The following LGR6 variants were observed in gnomAD, a reference collection of about 807,000 sequenced individuals.
LGR6 encodes leucine-rich repeat-containing G protein-coupled receptor 6.
LGR6 carries 45 observed loss-of-function variants against 69.4 expected under a neutral mutation model. The ratio of observed to expected loss-of-function variants is 0.65; its 90% CI spans 0.51 to 0.83. LGR6 has a LOEUF of 0.83. LGR6 is among the 40% of genes least tolerant of loss of function. LGR6 has a pLI of 0.00. For missense variants in LGR6, 1,108 were observed against 1,246.7 expected (o/e 0.89, Z 1.68); for synonymous variants, 538 against 555.0 (o/e 0.97, Z 0.43).
chr1:202,287,810 C>G (rs995317986), intron 6 of LGR6, among the ~76,000 whole-genome samples: 6 of 152,222 alleles, frequency 3.9e-5, no homozygotes, highest in Admixed American at 1.3e-4. Context: ...CCACTGCTAC[C>G]ACGATGCTCC....
intron 4 of LGR6, among the ~76,000 whole-genome samples, chr1:202,245,152 G>A (rs1217722120): frequency 3.3e-5 from 5 of 152,210 alleles, no homozygotes; most frequent in Non-Finnish European, 4.4e-5. Context: ...GGGCCCAGCC[G>A]AGGGGTCCCC....
chr1:202,302,466 C>T (rs1479491878), intron 9 of LGR6, among the ~76,000 whole-genome samples: 4 of 152,114 alleles, frequency 2.6e-5, no homozygotes, highest in East Asian at 1.9e-4. Flanking sequence ...CATGTGGGTC[C>T]GTGTCCTCAA....
chr1:202,263,288 A>G (rs1664385959), intron 4 of LGR6, among the ~76,000 whole-genome samples: 1 of 151,932 alleles, frequency 6.6e-6, no homozygotes, highest in Non-Finnish European at 1.5e-5. Flanking sequence ...ATGCCCAGCT[A>G]AATTTTGTAT....
At position 202,318,432 on chromosome 1, in the gene LGR6, A is replaced by G. The variant is rs1327053372; in HGVS notation, c.2129A>G (p.Glu710Gly). 1.2e-6 allele frequency: 2 copies of G among 1,611,226 alleles called. No individual in the cohort carries two copies. Among genetic ancestry groups the G allele is most frequent in the Non-Finnish European group, 1.7e-6 (2 of 1,178,944 alleles). Residue 710 changes from glutamate (E) to glycine (G), a missense_variant, in exon 18 of 18, where the codon GAA (glutamate) becomes GGA (glycine). Coordinates refer to ENST00000367278, the MANE Select transcript of LGR6 (RefSeq NM_001017403.2). The part of the protein sequence containing the change: ...AAALPLASVG[E>G]YGASPLCLPY... ...GCGCTGCCCCTGGCCTCAGTGGGAG[A>G]ATACGGGGCCTCCCCACTCTGCCTG...
chr1:202,226,991 C>T (rs78649964), intron 2 of LGR6, among the ~76,000 whole-genome samples: 2,032 of 152,254 alleles, frequency 0.013, 28 homozygotes, highest in Admixed American at 0.02. Context: ...GGCTGACTTT[C>T]CGTCTCCCAC....
At chr1:202,204,263 AAC>A (rs1428205931) in intron 1 of LGR6, among the ~76,000 whole-genome samples, 7 of 131,412 alleles carry the variant, frequency 5.3e-5, no homozygotes, top group East Asian at 2.3e-4. Flanking sequence ...ACAACCTCCA[AAC>A]ACACACACAC....
At chr1:202,253,307 CT>C (rs200198062) in intron 4 of LGR6, among the ~76,000 whole-genome samples, 216 of 144,590 alleles carry the variant, frequency 1.5e-3, no homozygotes, top group Non-Finnish European at 1.2e-3. Flanking sequence ...TCCTAATACT[CT>C]TTTTTTTTTT....
Position 202,268,430 on chromosome 1 carries a change from C to T in LGR6, c.429-7876C>T, listed in dbSNP as rs901230527. On this transcript the variant is annotated intron_variant, in intron 4 of 17. Coordinates refer to ENST00000367278, the MANE Select transcript of LGR6 (RefSeq NM_001017403.2). This position sits in a 1 kb window ranked among gnomAD's most constrained non-coding sequence, Gnocchi z 4.4. ...GCTCCCACGTGGAATATTTTCCCCA[C>T]AGAATAACCATTTCCATAGTGGCTG... Among the ~76,000 whole-genome samples the T allele has an allele frequency of 6.6e-6, 1 of 152,108 alleles. No individual in the cohort carries two copies. The highest frequency in any genetic ancestry group is 2.4e-5 in the African/African-American group (1 of 41,440).
intron 16 of LGR6, among the ~76,000 whole-genome samples, chr1:202,314,288 A>G (rs1430862873): frequency 2.0e-5 from 3 of 152,162 alleles, no homozygotes; most frequent in East Asian, 3.9e-4. Context: ...CAAGTTAAAC[A>G]CCGCCCAGTT....
chr1:202,282,396 C>T (rs1477830078), intron 6 of LGR6, among the ~76,000 whole-genome samples: 2 of 152,142 alleles, frequency 1.3e-5, no homozygotes, highest in Non-Finnish European at 2.9e-5. Flanking sequence ...ATGAAAGTCC[C>T]TGGGGGAGAG....
intron 1 of LGR6, among the ~76,000 whole-genome samples, chr1:202,211,393 A>C (rs1021840100): frequency 6.6e-6 from 1 of 152,228 alleles, no homozygotes; most frequent in Non-Finnish European, 1.5e-5. Context: ...TCACTCTGTT[A>C]CCGAGGCTGG....
chr1:202,260,270 C>T (rs977108505), intron 4 of LGR6, among the ~76,000 whole-genome samples: 4 of 151,400 alleles, frequency 2.6e-5, no homozygotes, highest in East Asian at 2.0e-4. Flanking sequence ...AACTCCTAAC[C>T]TCAGGTGATC....
At chr1:202,224,241 C>T (rs566075378) in intron 1 of LGR6, among the ~76,000 whole-genome samples, 105 of 152,170 alleles carry the variant, frequency 6.9e-4, no homozygotes, top group African/African-American at 2.3e-3. Context: ...AAAGATTAGC[C>T]GGTGTCTGAC....
At position 202,319,406 on chromosome 1, in the gene LGR6, C is replaced by G. The variant is rs6681463; in HGVS notation, c.*199C>G. On this transcript the variant is annotated 3_prime_UTR_variant, in exon 18 of 18. Coordinates refer to ENST00000367278, the MANE Select transcript of LGR6 (RefSeq NM_001017403.2). ...GCCTCTTGGCCTGGCTTTCCCTTGG[C>G]CTTCCTCAGCTTCACCTTGATACTG... The G allele has an allele frequency of 5.3e-6, 3 of 568,490 alleles. No homozygotes were observed. Among genetic ancestry groups the G allele is most frequent in the African/African-American group, 1.9e-5 (1 of 53,332 alleles). 35.2% of individuals were successfully genotyped at this position (568,490 alleles called of 1,614,324 possible). A position where few individuals can be genotyped will look rare whatever the true frequency, so the allele number is the denominator to read the frequency against.
chr1:202,261,772 C>T (rs1664254159), intron 4 of LGR6, among the ~76,000 whole-genome samples: 1 of 152,036 alleles, frequency 6.6e-6, no homozygotes, highest in Admixed American at 6.5e-5. Flanking sequence ...TAATGATTGC[C>T]ATTCTAACTG....
At chr1:202,213,719 T>C (rs1202294491) in intron 1 of LGR6, among the ~76,000 whole-genome samples, 3 of 152,128 alleles carry the variant, frequency 2.0e-5, no homozygotes, top group African/African-American at 7.2e-5. Context: ...AACATTATCT[T>C]ATGGGGAATA....
chr1:202,281,640 G>A lies in LGR6; in HGVS notation c.716+788G>A, dbSNP rs114042534. Among the ~76,000 whole-genome samples, 514 of 152,188 alleles carry A rather than the reference G, an allele frequency of 3.4e-3. 5 individuals carry two copies. Among genetic ancestry groups the A allele is most frequent in the African/African-American group, 0.012 (496 of 41,532 alleles). The stretch of plus-strand genomic sequence containing the variant: ...GCCATGGCCACCTGGTACAGGCCTC[G>A]GAGAGGGTCGATGGGGAGAGAAGGA... On this transcript the variant is annotated intron_variant, in intron 6 of 17. Transcript: ENST00000367278.
intron 9 of LGR6, among the ~76,000 whole-genome samples, chr1:202,301,944 G>A (rs897058173): frequency 1.3e-5 from 2 of 152,122 alleles, no homozygotes; most frequent in African/African-American, 2.4e-5. Flanking sequence ...GCTTGAACCC[G>A]GGAGGCGGAG....
chr1:202,306,084 C>A (rs1050669274), intron 12 of LGR6, among the ~76,000 whole-genome samples: 1 of 152,056 alleles, frequency 6.6e-6, no homozygotes, highest in East Asian at 1.9e-4. Flanking sequence ...TGGGATGGAC[C>A]GGAGAAGGCT....
Sources: allele counts gnomAD v4.1 joint callset (sites outside exome capture counted in the v4.1 genomes callset), GRCh38; gene constraint gnomAD v4.1.1; non-coding constraint Gnocchi (gnomAD v3.1); transcripts MANE v1.5; gene names NCBI Gene and HGNC (gene_info 2026-07-23, HGNC 2026-07-21).